The following ARHGEF11 variants were observed in gnomAD, a reference collection of about 807,000 sequenced individuals.
ARHGEF11 encodes Rho guanine exchange factor (GEF) 11.
Under a neutral mutation model 193.7 loss-of-function variants are expected in ARHGEF11, and 55 were observed. That is an observed-to-expected ratio of 0.28 (90% confidence interval 0.23 to 0.36). ARHGEF11 has a LOEUF of 0.36. ARHGEF11 is among the 10% of genes least tolerant of loss of function. ARHGEF11 has a pLI of 1.00. For missense variants in ARHGEF11, 1,723 were observed against 2,005.6 expected (o/e 0.86, Z 2.69); for synonymous variants, 693 against 768.0 (o/e 0.90, Z 1.62).
At position 156,938,262 on chromosome 1, in the gene ARHGEF11, C is replaced by T. The variant is rs1655942828; in HGVS notation, c.4192+156G>A. On this transcript the variant is annotated intron_variant, in intron 38 of 40. Coordinates refer to ENST00000368194, the MANE Select transcript of ARHGEF11 (RefSeq NM_198236.3). ...ACAGCCAGCCTTTAGAACCAGATCT[C>T]CCCGTCTTTAGAGCCAGATCTTCCT... Among the ~76,000 whole-genome samples the T allele has an allele frequency of 2.6e-5, 4 of 152,286 alleles. No homozygotes were observed. In the South Asian group the frequency reaches 8.3e-4, roughly 32 times the overall value.
chr1:156,955,692 C>T lies in ARHGEF11; in HGVS notation c.1768+11G>A. On this transcript the variant is annotated intron_variant, in intron 20 of 40. Coordinates refer to ENST00000368194, the MANE Select transcript of ARHGEF11 (RefSeq NM_198236.3). ...AGGAATGCCCAAGGCTGTTGCTCCC[C>T]AAATACTCACTGCTTTGAGAAGAGC... 1 of 1,610,854 alleles carries T rather than the reference C, an allele frequency of 6.2e-7. No individual in the cohort carries two copies. The highest frequency in any genetic ancestry group is 8.5e-7 in the Non-Finnish European group (1 of 1,177,032).
intron 1 of ARHGEF11, among the ~76,000 whole-genome samples, chr1:157,032,893 G>A (rs1042475241): frequency 2.0e-5 from 3 of 152,022 alleles, no homozygotes; most frequent in African/African-American, 7.2e-5. Flanking sequence ...GTTCCTCACT[G>A]CCCTGGTTGC....
At chr1:156,944,537 T>C (rs1657763875) in intron 30 of ARHGEF11, 104 bp from the exon 31 acceptor site, 5 of 1,273,570 alleles carry the variant, frequency 3.9e-6, no homozygotes, top group Non-Finnish European at 5.6e-6. Flanking sequence ...TGGGAATTGG[T>C]AAATAAGAAA....
chr1:156,977,935 C>T (rs992903426), intron 6 of ARHGEF11, among the ~76,000 whole-genome samples: 3 of 152,170 alleles, frequency 2.0e-5, no homozygotes, highest in Admixed American at 6.5e-5. Context: ...AGACAGCATC[C>T]TTAGAGTCTT....
chr1:156,947,262 A>G (rs760769742), intron 26 of ARHGEF11, 42 bp downstream of exon 26: 1 of 1,567,878 alleles, frequency 6.4e-7, no homozygotes, highest in African/African-American at 1.4e-5. Flanking sequence ...AGGAAGCTGA[A>G]GGGCAGCAGA....
chr1:156,976,569 C>T (rs1663288414), intron 7 of ARHGEF11, among the ~76,000 whole-genome samples: 1 of 152,184 alleles, frequency 6.6e-6, no homozygotes, highest in South Asian at 2.1e-4. Context: ...AATCTTCTTA[C>T]TGTTCTCTGT....
At chr1:157,035,980 T>TATATATATATGAATCTATATATAGGA (rs1557991175) in intron 1 of ARHGEF11, among the ~76,000 whole-genome samples, 35 of 12,294 alleles carry the variant, frequency 2.8e-3, no homozygotes, top group East Asian at 0.013. Context: ...TATATAGGAA[T>TATATATATATGAATCTATATATAGGA]ATATATATAT....
At chr1:157,008,422 A>G (rs1668149165) in intron 1 of ARHGEF11, among the ~76,000 whole-genome samples, 1 of 151,874 alleles carries the variant, frequency 6.6e-6, no homozygotes, top group Non-Finnish European at 1.5e-5. Context: ...ACACACACAC[A>G]CACACACACA....
intron 1 of ARHGEF11, among the ~76,000 whole-genome samples, chr1:156,994,194 C>T (rs1254790465): frequency 6.6e-6 from 1 of 152,184 alleles, no homozygotes; most frequent in Non-Finnish European, 1.5e-5. Context: ...AGAACAGGGA[C>T]CATGTCTTAT....
In ARHGEF11 at chr1:157,018,371, C is replaced by T. The variant is rs185068301; in HGVS notation, c.32+25928G>A. Among the ~76,000 whole-genome samples, 946 of 152,058 alleles carry T rather than the reference C, an allele frequency of 6.2e-3. 9 individuals carry two copies. Among genetic ancestry groups the T allele is most frequent in the African/African-American group, 0.021 (877 of 41,494 alleles). On this transcript the variant is annotated intron_variant, in intron 1 of 40. Coordinates refer to ENST00000368194, the MANE Select transcript of ARHGEF11 (RefSeq NM_198236.3). ...AGAAATGAAAAAGACCAGCCGGGCGCGGTGGCTCATGCCTGTAATCCCAGC... is the reference window on the plus strand; with the variant it reads ...AGAAATGAAAAAGACCAGCCGGGCGTGGTGGCTCATGCCTGTAATCCCAGC...
At chr1:156,997,515 G>A (rs1195854806) in intron 1 of ARHGEF11, among the ~76,000 whole-genome samples, 4 of 152,162 alleles carry the variant, frequency 2.6e-5, no homozygotes, top group African/African-American at 4.8e-5. Flanking sequence ...CACCAGCTGC[G>A]GCAGAGCAGA....
intron 7 of ARHGEF11, among the ~76,000 whole-genome samples, chr1:156,974,115 G>C (rs1008995494): frequency 6.6e-6 from 1 of 151,814 alleles, no homozygotes; most frequent in Non-Finnish European, 1.5e-5. Flanking sequence ...TGTCACTCAG[G>C]CTGGAGTGCA....
intron 20 of ARHGEF11, 138 bp from the exon 21 acceptor site, chr1:156,955,059 T>C (rs1300005394): frequency 1.9e-5 from 14 of 726,092 alleles, no homozygotes; most frequent in Non-Finnish European, 3.2e-5. Context: ...AGAATCTCTT[T>C]CCGTTTCCTG....
intron 25 of ARHGEF11, 86 bp downstream of exon 25, chr1:156,947,683 C>A: frequency 6.6e-7 from 1 of 1,518,838 alleles, no homozygotes; most frequent in Non-Finnish European, 8.9e-7. Context: ...ACCCTATTTA[C>A]CTCTTTCCCA....
intron 11 of ARHGEF11, 47 bp from the exon 12 acceptor site, chr1:156,963,641 G>T: frequency 6.3e-7 from 1 of 1,599,252 alleles, no homozygotes; most frequent in East Asian, 2.2e-5. Context: ...ATAGAGGACA[G>T]AGGATTCAAC....
At chr1:156,969,434 G>C in intron 9 of ARHGEF11, 76 bp from the exon 10 acceptor site, 2 of 1,404,476 alleles carry the variant, frequency 1.4e-6, no homozygotes, top group Non-Finnish European at 2.0e-6. Flanking sequence ...CTGGGCACCT[G>C]TGTGCAGGGC....
intron 1 of ARHGEF11, among the ~76,000 whole-genome samples, chr1:157,022,295 A>G (rs897751291): frequency 1.3e-5 from 2 of 152,144 alleles, no homozygotes; most frequent in Admixed American, 6.5e-5. Flanking sequence ...AATCCACAAC[A>G]AAACCTATTA....
intron 7 of ARHGEF11, among the ~76,000 whole-genome samples, chr1:156,975,770 G>T (rs1663167449): frequency 6.6e-6 from 1 of 152,294 alleles, no homozygotes; most frequent in East Asian, 1.9e-4. Flanking sequence ...TCCAAATTAA[G>T]TATCTGTATG....
At chr1:157,016,817 A>G (rs1006229947) in intron 1 of ARHGEF11, among the ~76,000 whole-genome samples, 8 of 150,784 alleles carry the variant, frequency 5.3e-5, no homozygotes, top group African/African-American at 2.0e-4. Flanking sequence ...TTATTTATTT[A>G]TTTATTTATT....
Sources: gnomAD v4.1 joint callset for allele counts (sites outside exome capture counted in the v4.1 genomes callset) on GRCh38, gnomAD v4.1.1 for gene constraint, MANE v1.5 for transcripts, NCBI Gene and HGNC (gene_info 2026-07-23, HGNC 2026-07-21) for gene names.